The following CELF2 variants were observed in gnomAD, a reference collection of about 807,000 sequenced individuals.
CELF2 encodes CUG triplet repeat RNA-binding protein 2.
CELF2 carries 8 observed loss-of-function variants against 62.6 expected under a neutral mutation model. The observed-to-expected ratio is 0.13, with a 90% CI of 0.07 to 0.23. The LOEUF (loss-of-function observed/expected upper bound fraction) is 0.23. Among genes scored for constraint, CELF2 ranks in the 10% least tolerant of loss-of-function variants. CELF2 has a pLI of 1.00. For synonymous variants in CELF2, 258 were observed against 250.0 expected (o/e 1.03, Z -0.30); for missense variants, 333 against 671.0 (o/e 0.50, Z 5.56).
intron 1 of CELF2, among the ~76,000 whole-genome samples, chr10:11,151,912 C>G (rs1277661706): frequency 6.6e-6 from 1 of 152,232 alleles, no homozygotes; most frequent in East Asian, 1.9e-4. Flanking sequence ...AAGTAGCCCC[C>G]TCTCTGAGTA....
At chr10:11,162,010 T>TTC (rs2065835432) in intron 1 of CELF2, among the ~76,000 whole-genome samples, 1 of 152,134 alleles carries the variant, frequency 6.6e-6, no homozygotes, top group African/African-American at 2.4e-5. Flanking sequence ...GGGAGAGAGT[T>TTC]GGGAGTCCAG....
At chr10:10,871,343 T>C (rs974141218) in intron 1 of CELF2, among the ~76,000 whole-genome samples, 7 of 152,230 alleles carry the variant, frequency 4.6e-5, no homozygotes, top group Non-Finnish European at 7.3e-5. Context: ...TCACTAAAAA[T>C]CTATGCGCCA....
At chr10:11,019,852 G>C (rs577889896) in intron 1 of CELF2, among the ~76,000 whole-genome samples, 8 of 152,290 alleles carry the variant, frequency 5.3e-5, no homozygotes, top group African/African-American at 1.4e-4. Context: ...ACATGAGCTA[G>C]TATGAAAGTT....
the CELF2 span, among the ~76,000 whole-genome samples, chr10:10,724,937 A>C: frequency 2.1e-5 from 3 of 141,028 alleles, no homozygotes; most frequent in Non-Finnish European, 3.1e-5. Context: ...AGGGGGCATG[A>C]TTTTTAGTTG....
intron 1 of CELF2, among the ~76,000 whole-genome samples, chr10:10,810,668 G>A (rs1246293936): frequency 2.6e-5 from 4 of 152,166 alleles, no homozygotes; most frequent in Non-Finnish European, 5.9e-5. Flanking sequence ...GGCAGAAGGA[G>A]GAAGGAGGTA....
chr10:10,915,668 C>T (rs1451335282), intron 1 of CELF2, among the ~76,000 whole-genome samples: 1 of 152,210 alleles, frequency 6.6e-6, no homozygotes, highest in Non-Finnish European at 1.5e-5. Context: ...CTCCTGGGCT[C>T]AAGCGATCCT....
At chr10:10,877,135 C>A (rs1216170313) in intron 1 of CELF2, among the ~76,000 whole-genome samples, 1 of 152,232 alleles carries the variant, frequency 6.6e-6, no homozygotes, top group Non-Finnish European at 1.5e-5. Flanking sequence ...CTGCGGTAAT[C>A]TGGGCAAGCA....
At chr10:11,021,011 A>G (rs2058227972) in intron 1 of CELF2, among the ~76,000 whole-genome samples, 1 of 152,234 alleles carries the variant, frequency 6.6e-6, no homozygotes, top group Non-Finnish European at 1.5e-5. Context: ...CATAATGAAA[A>G]CAGGCACTGA....
At chr10:10,542,895 G>A in the CELF2 span, among the ~76,000 whole-genome samples, 6 of 152,192 alleles carry the variant, frequency 3.9e-5, no homozygotes, top group Non-Finnish European at 8.8e-5. Context: ...GCTGGACACT[G>A]CAGACTGTGG....
rs1446297561 is a variant in CELF2, at chr10:10,990,598, T to C, written c.89+70599T>C. On this transcript the variant is annotated intron_variant, in intron 2 of 13. Transcript: ENST00000636488. This position sits in a 1 kb window ranked among gnomAD's most constrained non-coding sequence, Gnocchi z 4.6. ...CAATGGTAAAGTTTTAGTAGTATAA[T>C]AGTATAATATACGCTCAGTGGCAAT... 1.3e-5 allele frequency among the ~76,000 whole-genome samples: 2 copies of C among 152,206 alleles called. No homozygotes were observed. Among genetic ancestry groups the C allele is most frequent in the African/African-American group, 4.8e-5 (2 of 41,464 alleles).
the CELF2 span, among the ~76,000 whole-genome samples, chr10:10,558,474 A>G: frequency 1.3e-5 from 2 of 152,042 alleles, no homozygotes; most frequent in Non-Finnish European, 2.9e-5. Context: ...AATGTTCATC[A>G]AGGATATTGG....
chr10:10,967,316 G>A (rs1592525568), intron 2 of CELF2, among the ~76,000 whole-genome samples: 1 of 152,220 alleles, frequency 6.6e-6, no homozygotes, highest in South Asian at 2.1e-4. Context: ...GGTTAGGTTA[G>A]AGGTCACTAT....
intron 2 of CELF2, among the ~76,000 whole-genome samples, chr10:10,923,525 G>T (rs988158014): frequency 6.9e-4 from 105 of 152,294 alleles, no homozygotes; most frequent in African/African-American, 2.4e-3. Flanking sequence ...CTTTGAAGTC[G>T]AAATGAGATA....
chr10:10,823,029 A>G (rs2057093603), intron 1 of CELF2, among the ~76,000 whole-genome samples: 1 of 152,198 alleles, frequency 6.6e-6, no homozygotes, highest in Admixed American at 6.5e-5. Context: ...AAGTGTTTAG[A>G]TATATGTGGG....
Position 11,214,468 on chromosome 10 carries a change from C to T in CELF2, c.272-2957C>T, listed in dbSNP as rs1470498993. On this transcript the variant is annotated intron_variant, in intron 2 of 12. Transcript: ENST00000633077. The surrounding 1 kb of genome is among the most constrained non-coding windows in gnomAD (Gnocchi z 4.2). ...TAAGTTGCTAATTGCACAAGGGTAT[C>T]CTACTGAGGCCGTGAATAGAGTAGA... Among the ~76,000 whole-genome samples, 1 of 152,176 alleles carries T rather than the reference C, an allele frequency of 6.6e-6. No individual in the cohort carries two copies. The highest frequency in any genetic ancestry group is 1.5e-5 in the Non-Finnish European group (1 of 68,016).
At chr10:10,951,272 T>C (rs985226707) in intron 2 of CELF2, among the ~76,000 whole-genome samples, 1 of 152,040 alleles carries the variant, frequency 6.6e-6, no homozygotes, top group African/African-American at 2.4e-5. Context: ...GCTTTCTGAG[T>C]AGCTGGGACC....
At chr10:10,466,860 A>T in the CELF2 span, among the ~76,000 whole-genome samples, 1 of 151,922 alleles carries the variant, frequency 6.6e-6, no homozygotes, top group Non-Finnish European at 1.5e-5. Flanking sequence ...CTGTTCTAAT[A>T]TTTTGTCCAA....
intron 1 of CELF2, among the ~76,000 whole-genome samples, chr10:11,033,751 C>G (rs2060514899): frequency 6.6e-6 from 1 of 152,170 alleles, no homozygotes; most frequent in Non-Finnish European, 1.5e-5. Context: ...CAAATTGATT[C>G]CCCTGTAGTG....
At chr10:10,522,158 G>A in the CELF2 span, among the ~76,000 whole-genome samples, 13 of 152,162 alleles carry the variant, frequency 8.5e-5, no homozygotes, top group Admixed American at 8.5e-4. Context: ...GCCAAAATGG[G>A]ACCCAAGAGC....
Sources: gnomAD v4.1 joint callset for allele counts (sites outside exome capture counted in the v4.1 genomes callset) on GRCh38, gnomAD v4.1.1 for gene constraint, Gnocchi (gnomAD v3.1) non-coding constraint, MANE v1.5 for transcripts, NCBI Gene and HGNC (gene_info 2026-07-23, HGNC 2026-07-21) for gene names.